Variants in ZNF385B observed in about 807,000 individuals in gnomAD.
The protein encoded by ZNF385B is zinc finger protein 533.
A neutral mutation model predicts 39.2 loss-of-function variants in ZNF385B; 23 were observed. The ratio of observed to expected loss-of-function variants is 0.59; its 90% CI spans 0.42 to 0.83. ZNF385B has a LOEUF of 0.83. Among genes scored for constraint, ZNF385B ranks in the 40% least tolerant of loss-of-function variants. ZNF385B has a pLI of 0.00. For missense variants in ZNF385B, 552 were observed against 598.9 expected, an observed-to-expected ratio of 0.92 and a Z score of 0.82; for synonymous variants, 205 against 222.6, an observed-to-expected ratio of 0.92 and a Z score of 0.70.
intron 1 of ZNF385B, among the ~76,000 whole-genome samples, chr2:179,775,495 G>A (rs1352309745): frequency 6.6e-6 from 1 of 152,000 alleles, no homozygotes; most frequent in Non-Finnish European, 1.5e-5. Flanking sequence ...ACAGTTCATT[G>A]GTCTCATTTT....
At chr2:179,548,193 C>T (rs1276741935) in intron 3 of ZNF385B, among the ~76,000 whole-genome samples, 1 of 149,470 alleles carries the variant, frequency 6.7e-6, no homozygotes, top group Non-Finnish European at 1.5e-5. Flanking sequence ...TTTTCCTTTC[C>T]AATCTGATGC....
At chr2:179,773,818 C>A (rs976529783) in intron 1 of ZNF385B, among the ~76,000 whole-genome samples, 7 of 152,160 alleles carry the variant, frequency 4.6e-5, no homozygotes, top group Non-Finnish European at 1.0e-4. Flanking sequence ...TATACATTTT[C>A]CTCCCTTGCT....
chr2:179,608,842 C>CTGTGTG (rs60633100), intron 3 of ZNF385B, among the ~76,000 whole-genome samples: 14 of 134,620 alleles, frequency 1.0e-4, no homozygotes, highest in African/African-American at 2.3e-4. Flanking sequence ...AGGGCCAAGA[C>CTGTGTG]TGTGTGTGTG....
chr2:179,808,512 T>C (rs1346408227), intron 1 of ZNF385B, among the ~76,000 whole-genome samples: 1 of 152,154 alleles, frequency 6.6e-6, no homozygotes. Flanking sequence ...AAGGCAAATA[T>C]GTTGAGGTTT....
intron 3 of ZNF385B, among the ~76,000 whole-genome samples, chr2:179,646,286 G>T (rs1038792000): frequency 6.6e-6 from 1 of 152,194 alleles, no homozygotes; most frequent in Non-Finnish European, 1.5e-5. Context: ...ATGGTGGCAG[G>T]CACCTGGAAA....
chr2:179,616,976 T>C (rs936210486), intron 3 of ZNF385B, among the ~76,000 whole-genome samples: 60 of 152,192 alleles, frequency 3.9e-4, no homozygotes, highest in African/African-American at 1.3e-3. Flanking sequence ...ATCTCAGTTC[T>C]CCTTACATTT....
In ZNF385B at chr2:179,443,389, G is replaced by A. The variant is rs113674404; in HGVS notation, c.1322C>T (p.Ala441Val). 1 of 1,610,878 alleles carries A rather than the reference G, an allele frequency of 6.2e-7. No homozygotes were observed. The highest frequency in any genetic ancestry group is 8.5e-7 in the Non-Finnish European group (1 of 1,178,988). ...TGGGAGTGACAGCGCTGAGGACACG[G>A]CTGCCGCCGCTGCGAGAGGTGAGGA... Reference protein sequence around the residue: ...FLSSPLAAAAAVSSALSLPPR... With the variant: ...FLSSPLAAAAVVSSALSLPPR... The change falls in exon 10 of 10, where the codon GCC (alanine) becomes GTC (valine). Residue 441 changes from alanine (A) to valine (V), a missense_variant. Transcript: ENST00000410066.
chr2:179,478,917 A>G (rs748679807), intron 6 of ZNF385B, among the ~76,000 whole-genome samples: 1 of 152,114 alleles, frequency 6.6e-6, no homozygotes, highest in Non-Finnish European at 1.5e-5. Flanking sequence ...ATATGGCATT[A>G]TGACACTTGA....
At chr2:179,560,584 TA>T (rs2061264953) in intron 3 of ZNF385B, among the ~76,000 whole-genome samples, 1 of 152,162 alleles carries the variant, frequency 6.6e-6, no homozygotes. Flanking sequence ...TAACTCTCTC[TA>T]ATCACTGTTT....
intron 4 of ZNF385B, among the ~76,000 whole-genome samples, chr2:179,539,196 T>C (rs2059764794): frequency 6.6e-6 from 1 of 152,164 alleles, no homozygotes; most frequent in Non-Finnish European, 1.5e-5. Flanking sequence ...GTGAGGGCTG[T>C]CTTCCTGGGC....
intron 4 of ZNF385B, among the ~76,000 whole-genome samples, chr2:179,527,050 C>T (rs1320616898): frequency 6.6e-6 from 1 of 152,188 alleles, no homozygotes; most frequent in African/African-American, 2.4e-5. Flanking sequence ...ACATCTAAGT[C>T]CTGGATCCAG....
intron 3 of ZNF385B, among the ~76,000 whole-genome samples, chr2:179,729,766 A>G (rs1701266437): frequency 6.6e-6 from 1 of 152,168 alleles, no homozygotes; most frequent in African/African-American, 2.4e-5. Flanking sequence ...TGATTGGATC[A>G]TGGGGGCGGT....
intron 1 of ZNF385B, among the ~76,000 whole-genome samples, chr2:179,853,850 CAA>C (rs1684371053): frequency 6.6e-6 from 1 of 152,130 alleles, no homozygotes; most frequent in Non-Finnish European, 1.5e-5. Context: ...GTAACTTAGT[CAA>C]AGTCACACAA....
chr2:179,818,712 A>G (rs1314378233), intron 1 of ZNF385B, among the ~76,000 whole-genome samples: 1 of 152,172 alleles, frequency 6.6e-6, no homozygotes, highest in Non-Finnish European at 1.5e-5. Context: ...GTTCGGCCTC[A>G]CTATCCAGAG....
At chr2:179,722,402 T>C (rs1288434487) in intron 3 of ZNF385B, among the ~76,000 whole-genome samples, 2 of 152,030 alleles carry the variant, frequency 1.3e-5, no homozygotes, top group Admixed American at 6.5e-5. Context: ...AGACAAACAA[T>C]TCAATGGAAT....
intron 3 of ZNF385B, among the ~76,000 whole-genome samples, chr2:179,750,623 C>G (rs1381449978): frequency 6.6e-6 from 1 of 152,082 alleles, no homozygotes; most frequent in Non-Finnish European, 1.5e-5. Flanking sequence ...CCTTCTAAGT[C>G]TGTCCCTTCA....
At chr2:179,736,279 T>C (rs1701749455) in intron 3 of ZNF385B, among the ~76,000 whole-genome samples, 1 of 152,150 alleles carries the variant, frequency 6.6e-6, no homozygotes, top group African/African-American at 2.4e-5. Context: ...CTTTGGGAGC[T>C]TACAACTTTG....
chr2:179,725,036 A>C (rs1216834692), intron 3 of ZNF385B, among the ~76,000 whole-genome samples: 1 of 152,142 alleles, frequency 6.6e-6, no homozygotes, highest in African/African-American at 2.4e-5. Flanking sequence ...ATTCACATAA[A>C]AAATAAGCAT....
chr2:179,559,669 T>C (rs749772060), intron 3 of ZNF385B, among the ~76,000 whole-genome samples: 22 of 152,168 alleles, frequency 1.4e-4, no homozygotes, highest in Non-Finnish European at 2.6e-4. Context: ...ATAAAATTTA[T>C]AGTGTACAAT....
Sources: allele counts gnomAD v4.1 joint callset (sites outside exome capture counted in the v4.1 genomes callset), GRCh38; gene constraint gnomAD v4.1.1; transcripts MANE v1.5; gene names NCBI Gene and HGNC (gene_info 2026-07-23, HGNC 2026-07-21).